RBMS3: variants seen among roughly 807,000 people sequenced by gnomAD.
The protein encoded by RBMS3 is RNA-binding motif, single-stranded-interacting protein 3.
RBMS3 carries 27 observed loss-of-function variants against 66.8 expected under a neutral mutation model. That is an observed-to-expected ratio of 0.40 (90% CI 0.30 to 0.56). RBMS3 has a LOEUF of 0.56. RBMS3 is among the 20% of genes least tolerant of loss of function. The pLI, the probability that RBMS3 is intolerant of heterozygous loss-of-function variation, is 0.40. For missense variants in RBMS3, 513 were observed against 549.5 expected (o/e 0.93, Z 0.66); for synonymous variants, 188 against 183.0 (o/e 1.03, Z -0.22).
chr3:29,373,145 A>G (rs2038294671), intron 1 of RBMS3, among the ~76,000 whole-genome samples: 1 of 152,150 alleles, frequency 6.6e-6, no homozygotes, highest in Non-Finnish European at 1.5e-5. Context: ...TCTGGAGGCC[A>G]CATGCATGTG....
At chr3:29,988,068 C>A (rs1698552157) in intron 12 of RBMS3, 75 bp from the exon 13 acceptor site, 7 of 1,218,590 alleles carry the variant, frequency 5.7e-6, no homozygotes, top group Middle Eastern at 1.9e-4. Context: ...CTAAAGCAGT[C>A]TCCTGTGGTA....
chr3:29,701,025 GTTTAAAAGT>G (rs1427378281), intron 4 of RBMS3, among the ~76,000 whole-genome samples: 1 of 152,158 alleles, frequency 6.6e-6, no homozygotes, highest in Admixed American at 6.5e-5. Flanking sequence ...ATGAAGAACT[GTTTAAAAGT>G]TTTAAGTAGT....
chr3:29,557,901 A>G (rs1180957592), intron 3 of RBMS3, among the ~76,000 whole-genome samples: 1 of 152,228 alleles, frequency 6.6e-6, no homozygotes, highest in African/African-American at 2.4e-5. Context: ...CAGGAACCAG[A>G]GAAAATTTAA....
intron 6 of RBMS3, among the ~76,000 whole-genome samples, chr3:29,862,244 C>T (rs563343494): frequency 4.3e-4 from 65 of 152,204 alleles, no homozygotes; most frequent in African/African-American, 1.2e-3. Context: ...GGTCTGGAAA[C>T]GGGCCCAAGA....
At chr3:29,679,787 T>TA (rs1553641480) in intron 4 of RBMS3, among the ~76,000 whole-genome samples, 6 of 149,504 alleles carry the variant, frequency 4.0e-5, no homozygotes, top group Admixed American at 1.3e-4. Flanking sequence ...TATATATATA[T>TA]TATACATAGT....
chr3:29,324,576 A>G (rs930573887), intron 1 of RBMS3, among the ~76,000 whole-genome samples: 2 of 151,668 alleles, frequency 1.3e-5, no homozygotes, highest in African/African-American at 4.9e-5. Flanking sequence ...AGTGGGTAGG[A>G]TTGTTTGAAC....
At chr3:29,581,039 T>C (rs149038897) in intron 3 of RBMS3, among the ~76,000 whole-genome samples, 243 of 152,304 alleles carry the variant, frequency 1.6e-3, no homozygotes, top group Middle Eastern at 3.4e-3. Context: ...TATAATGGCT[T>C]AGAATTTTTC....
At chr3:29,699,460 T>C (rs1207780243) in intron 4 of RBMS3, among the ~76,000 whole-genome samples, 1 of 152,184 alleles carries the variant, frequency 6.6e-6, no homozygotes, top group Non-Finnish European at 1.5e-5. Context: ...GGAGCTATTT[T>C]CTAATGGCTA....
At chr3:29,511,644 T>A (rs2044417477) in intron 3 of RBMS3, among the ~76,000 whole-genome samples, 1 of 152,132 alleles carries the variant, frequency 6.6e-6, no homozygotes, top group South Asian at 2.1e-4. Context: ...GCACAAATAA[T>A]TAAAATTATG....
rs569551817 is a variant in RBMS3, at chr3:29,420,832, C to T, written c.76-13911C>T. ...AGAAAAGGCTATTATCGGCCAGGCA[C>T]GGTGGCTCACGCCTGTAATCCCAGC... On this transcript the variant is annotated intron_variant, in intron 1 of 14. Coordinates refer to ENST00000383767, the MANE Select transcript of RBMS3 (RefSeq NM_001003793.3). 4.0e-5 allele frequency among the ~76,000 whole-genome samples: 6 copies of T among 151,688 alleles called. No homozygotes were observed. The East Asian group carries it at 5.8e-4, about 15-fold the overall frequency.
intron 13 of RBMS3, among the ~76,000 whole-genome samples, chr3:29,988,917 T>C (rs1301850338): frequency 1.3e-5 from 2 of 152,210 alleles, no homozygotes; most frequent in African/African-American, 2.4e-5. Context: ...AATGCACTGG[T>C]TCTCAAATTT....
chr3:29,603,989 T>C, intron 4 of RBMS3, among the ~76,000 whole-genome samples: 1 of 152,000 alleles, frequency 6.6e-6, no homozygotes, highest in East Asian at 1.9e-4. Flanking sequence ...AGGGCACAAG[T>C]TGCTACTGGC....
chr3:29,351,156 GTAGT>G (rs2036891535), intron 1 of RBMS3, among the ~76,000 whole-genome samples: 2 of 152,004 alleles, frequency 1.3e-5, no homozygotes, highest in East Asian at 1.9e-4. Flanking sequence ...TGTATTTGCT[GTAGT>G]TAATTAGTCC....
chr3:29,676,281 G>C (rs1028046838), intron 4 of RBMS3, among the ~76,000 whole-genome samples: 3 of 152,162 alleles, frequency 2.0e-5, no homozygotes, highest in East Asian at 1.9e-4. Context: ...GTCGTGGAGT[G>C]GGGGAAGGGG....
chr3:29,761,754 A>G (rs762586672), intron 5 of RBMS3, among the ~76,000 whole-genome samples: 12 of 152,142 alleles, frequency 7.9e-5, no homozygotes, highest in Non-Finnish European at 1.6e-4. Context: ...AAGTTTTACA[A>G]CTTGAGTTGA....
intron 4 of RBMS3, among the ~76,000 whole-genome samples, chr3:29,612,914 A>T (rs1022570371): frequency 6.6e-6 from 1 of 152,132 alleles, no homozygotes; most frequent in Non-Finnish European, 1.5e-5. Flanking sequence ...CATAGGTATC[A>T]TATTAGTCTT....
chr3:29,752,454 C>T (rs1243415241), intron 5 of RBMS3, among the ~76,000 whole-genome samples: 9 of 152,056 alleles, frequency 5.9e-5, no homozygotes, highest in Non-Finnish European at 1.2e-4. Flanking sequence ...GAGCCCTCGC[C>T]GGGGAACCAC....
chr3:29,306,144 C>T (rs1318895396), intron 1 of RBMS3, among the ~76,000 whole-genome samples: 1 of 151,894 alleles, frequency 6.6e-6, no homozygotes, highest in African/African-American at 2.4e-5. Flanking sequence ...TGTACGGCAT[C>T]TAGTGTTCCT....
intron 5 of RBMS3, among the ~76,000 whole-genome samples, chr3:29,745,876 G>C (rs932349354): frequency 9.0e-5 from 13 of 145,198 alleles, no homozygotes; most frequent in African/African-American, 3.3e-4. Context: ...AATAATTTAA[G>C]TTTTTCTTTC....
Sources: allele counts gnomAD v4.1 joint callset (sites outside exome capture counted in the v4.1 genomes callset), GRCh38; gene constraint gnomAD v4.1.1; transcripts MANE v1.5; gene names NCBI Gene and HGNC (gene_info 2026-07-23, HGNC 2026-07-21).